CLIP1: variants seen among roughly 807,000 people sequenced by gnomAD.
CLIP1 encodes CAP-Gly domain containing linker protein 1, also known as CAP-Gly domain-containing linker protein 1.
In CLIP1, 66 loss-of-function variants were observed where a neutral mutation model predicts 161.6. The observed-to-expected ratio is 0.41, with a 90% CI of 0.33 to 0.50. The LOEUF (loss-of-function observed/expected upper bound fraction) is 0.50. CLIP1 is among the 20% of genes least tolerant of loss of function. The probability of loss-of-function intolerance (pLI) is 0.27; values close to 1 mark genes in which losing one functional copy is unlikely to be tolerated. For missense variants in CLIP1, 1,376 were observed against 1,702.0 expected (o/e 0.81, Z 3.37); for synonymous variants, 598 against 626.2 (o/e 0.96, Z 0.67).
At chr12:122,415,331 A>G (rs1474719814) in intron 1 of CLIP1, among the ~76,000 whole-genome samples, 1 of 151,282 alleles carries the variant, frequency 6.6e-6, no homozygotes, top group Non-Finnish European at 1.5e-5. Flanking sequence ...AATACAAAAA[A>G]ATTAGCCGGG....
chr12:122,352,822 C>T (rs1463324851), intron 7 of CLIP1, 36 bp from the exon 8 acceptor site: 1 of 1,529,414 alleles, frequency 6.5e-7, no homozygotes, highest in East Asian at 2.2e-5. Flanking sequence ...ACTTAAGAAA[C>T]TAAGTAACAC....
At chr12:122,327,521 C>A (rs1951753764) in intron 17 of CLIP1, among the ~76,000 whole-genome samples, 1 of 152,050 alleles carries the variant, frequency 6.6e-6, no homozygotes, top group Non-Finnish European at 1.5e-5. Context: ...TCTCTCTAGT[C>A]CTGATTCCTT....
Position 122,355,352 on chromosome 12 carries a change from G to A in CLIP1, c.1006-40C>T, listed in dbSNP as rs1385918871. ...TAGAGAAATGAAGGGCGATGATGCT[G>A]TCAGAAAAGCGAGGGAGGCGCGATG... On this transcript the variant is annotated intron_variant, in intron 5 of 25. Transcript: ENST00000620786. This position sits in a 1 kb window ranked among gnomAD's most constrained non-coding sequence, Gnocchi z 4.1. 3 of 1,581,826 alleles carry A rather than the reference G, an allele frequency of 1.9e-6. No individual in the cohort carries two copies. The highest frequency in any genetic ancestry group is 2.6e-6 in the Non-Finnish European group (3 of 1,153,996).
intron 15 of CLIP1, among the ~76,000 whole-genome samples, chr12:122,328,671 G>A (rs958410450): frequency 7.9e-5 from 12 of 152,076 alleles, no homozygotes; most frequent in South Asian, 2.1e-4. Context: ...TGCAAGCTCC[G>A]CCTCCCGGGT....
At chr12:122,386,159 G>T (rs1593217452) in intron 1 of CLIP1, among the ~76,000 whole-genome samples, 1 of 151,984 alleles carries the variant, frequency 6.6e-6, no homozygotes, top group Non-Finnish European at 1.5e-5. Flanking sequence ...GGTGTTGCAC[G>T]CCTGTAGTCC....
At chr12:122,375,125 T>C (rs1566191005) in intron 3 of CLIP1, among the ~76,000 whole-genome samples, 1 of 152,104 alleles carries the variant, frequency 6.6e-6, no homozygotes. Context: ...AGCAGGGACT[T>C]AGTTTGTCTT....
intron 15 of CLIP1, among the ~76,000 whole-genome samples, chr12:122,332,440 A>G (rs1332310702): frequency 6.6e-5 from 10 of 151,814 alleles, no homozygotes; most frequent in Non-Finnish European, 1.5e-4. Flanking sequence ...ATTTCTTTTT[A>G]GATGGAGCGT....
At chr12:122,318,355 A>G (rs1432513766) in intron 18 of CLIP1, among the ~76,000 whole-genome samples, 5 of 152,212 alleles carry the variant, frequency 3.3e-5, no homozygotes, top group Admixed American at 1.3e-4. Context: ...CAACATGGCA[A>G]AACTCCGTCC....
At chr12:122,336,369 A>G (rs569552389) in intron 12 of CLIP1, among the ~76,000 whole-genome samples, 1 of 151,664 alleles carries the variant, frequency 6.6e-6, no homozygotes, top group South Asian at 2.1e-4. Flanking sequence ...TAAGTAGTCA[A>G]TAACATTTCA....
chr12:122,354,978 A>G (rs1953258018), intron 6 of CLIP1, 137 bp downstream of exon 6: 1 of 751,000 alleles, frequency 1.3e-6, no homozygotes, highest in Admixed American at 2.6e-5. Context: ...GCTTTCAAAC[A>G]AGCACAGCAA....
Position 122,352,712 on chromosome 12 carries a change from T to C in CLIP1, c.1368+14A>G. The C allele has an allele frequency of 1.2e-6, 2 of 1,609,800 alleles. No homozygotes were observed. The highest frequency in any genetic ancestry group is 2.2e-5 in the South Asian group (2 of 90,986). On this transcript the variant is annotated intron_variant, in intron 8 of 25. Coordinates refer to ENST00000620786, the MANE Select transcript of CLIP1 (RefSeq NM_001247997.2). ...ATACCCATAAAAGCTGTAAGAGAGC[T>C]GGAGGGGTTTTACCTCAAGATCACC...
Position 122,341,616 on chromosome 12 carries a change from G to T in CLIP1, c.1588C>A (p.Arg530=). ...ALRVQEVAEL[R]RRLESNKPAG... Reference sequence around the variant, plus strand: ...GGCTTATTGGACTCTAGCCTTCTTCGGAGCTCAGCTACTTCCTGTACTCTC... The same window carrying T: ...GGCTTATTGGACTCTAGCCTTCTTCTGAGCTCAGCTACTTCCTGTACTCTC... The change falls in exon 11 of 26, where the codon CGA becomes AGA. Residue 530 remains arginine (R), a synonymous_variant. Coordinates refer to ENST00000620786, the MANE Select transcript of CLIP1 (RefSeq NM_001247997.2). The T allele has an allele frequency of 6.2e-7, 1 of 1,613,082 alleles. No homozygotes were observed.
intron 20 of CLIP1, among the ~76,000 whole-genome samples, 157 bp downstream of exon 20, chr12:122,309,605 T>TCTGTAGCAGCAGTCTCC (rs1950993935): frequency 6.6e-6 from 1 of 152,142 alleles, no homozygotes; most frequent in Non-Finnish European, 1.5e-5. Flanking sequence ...CAGCAGCACG[T>TCTGTAGCAGCAGTCTCC]TTGAAAACAA....
At chr12:122,306,553 T>G (rs1298495034) in intron 20 of CLIP1, among the ~76,000 whole-genome samples, 1 of 152,158 alleles carries the variant, frequency 6.6e-6, no homozygotes, top group Non-Finnish European at 1.5e-5. Context: ...AATGCTGGGT[T>G]CTAAGGTCAG....
At chr12:122,344,967 G>A (rs879277110) in intron 10 of CLIP1, among the ~76,000 whole-genome samples, 6 of 145,224 alleles carry the variant, frequency 4.1e-5, no homozygotes, top group Non-Finnish European at 7.5e-5. Context: ...AAACCATGGT[G>A]TAACTGAATG....
chr12:122,331,910 G>A (rs866722903), intron 15 of CLIP1, among the ~76,000 whole-genome samples: 14 of 152,090 alleles, frequency 9.2e-5, no homozygotes, highest in Middle Eastern at 3.4e-3. Flanking sequence ...CAGGAGAATC[G>A]CTTGAACCTG....
rs780316756 is a variant in CLIP1, at chr12:122,327,920, A to G, written c.3249+27T>C. ...ACACAGAGCTCAGGCAAGCTACAAC[A>G]CAAGGAAATTCTCTCGCGTCACGTA... On this transcript the variant is annotated intron_variant, in intron 17 of 25. Coordinates refer to ENST00000620786, the MANE Select transcript of CLIP1 (RefSeq NM_001247997.2). 3 of 1,608,266 alleles carry G rather than the reference A, an allele frequency of 1.9e-6. No individual in the cohort carries two copies. In the South Asian group the frequency reaches 3.3e-5, roughly 18 times the overall value.
In CLIP1 at chr12:122,365,677, T is replaced by A. The variant is rs1209876703; in HGVS notation, c.658-1570A>T. Reference sequence around the variant, plus strand: ...TAAAATAAAGGACCTCTGGGCTATTTAAAAAAAAAAAAAAAGAAAGAACTG... The same window carrying A: ...TAAAATAAAGGACCTCTGGGCTATTAAAAAAAAAAAAAAAAGAAAGAACTG... On this transcript the variant is annotated intron_variant, in intron 3 of 25. Coordinates refer to ENST00000620786, the MANE Select transcript of CLIP1 (RefSeq NM_001247997.2). The A allele has an allele frequency of 3.0e-4, 173 of 582,446 alleles. 2 individuals carry two copies. The highest frequency in any genetic ancestry group is 3.4e-4 in the East Asian group (11 of 32,548). 36.1% of individuals were successfully genotyped at this position (582,446 alleles called of 1,614,324 possible).
chr12:122,380,897 A>T (rs1035834257), intron 1 of CLIP1, among the ~76,000 whole-genome samples: 1 of 151,976 alleles, frequency 6.6e-6, no homozygotes, highest in Non-Finnish European at 1.5e-5. Flanking sequence ...GTCTCTACAA[A>T]AATAAAAATA....
Sources: allele counts gnomAD v4.1 joint callset (sites outside exome capture counted in the v4.1 genomes callset), GRCh38; gene constraint gnomAD v4.1.1; non-coding constraint Gnocchi (gnomAD v3.1); transcripts MANE v1.5; gene names NCBI Gene and HGNC (gene_info 2026-07-23, HGNC 2026-07-21).